The following AUTS2 variants were observed in gnomAD, a reference collection of about 807,000 sequenced individuals.
AUTS2 encodes the protein activator of transcription and developmental regulator AUTS2, also known as autism susceptibility gene 2 protein.
In AUTS2, 17 loss-of-function variants were observed where a neutral mutation model predicts 112.4. The ratio of observed to expected loss-of-function variants is 0.15; its 90% CI spans 0.10 to 0.23. The LOEUF is 0.23. Ranked by LOEUF, AUTS2 falls within the 10% of genes least tolerant of loss-of-function variation. AUTS2 has a pLI of 1.00. For synonymous variants in AUTS2, 751 were observed against 702.7 expected, an observed-to-expected ratio of 1.07 and a Z score of -1.09; for missense variants, 1,510 against 1,701.6, an observed-to-expected ratio of 0.89 and a Z score of 1.98.
intron 4 of AUTS2, among the ~76,000 whole-genome samples, chr7:70,326,956 C>T (rs1372158913): frequency 8.1e-6 from 1 of 123,650 alleles, no homozygotes; most frequent in African/African-American, 3.1e-5. Flanking sequence ...TTCGCTCTGT[C>T]GCCCAGGCTG....
intron 1 of AUTS2, among the ~76,000 whole-genome samples, chr7:69,607,678 G>A (rs2129075177): frequency 6.6e-6 from 1 of 152,250 alleles, no homozygotes; most frequent in South Asian, 2.1e-4. Flanking sequence ...TGTCATTTTA[G>A]CTTGCACTAT....
intron 1 of AUTS2, among the ~76,000 whole-genome samples, chr7:69,633,018 A>T (rs1238928533): frequency 1.3e-5 from 2 of 152,182 alleles, no homozygotes; most frequent in African/African-American, 4.8e-5. Flanking sequence ...TCCCAAATAC[A>T]GTACAATTTT....
intron 4 of AUTS2, among the ~76,000 whole-genome samples, chr7:70,269,218 G>A (rs1787571540): frequency 1.3e-5 from 2 of 152,128 alleles, no homozygotes; most frequent in Admixed American, 6.5e-5. Flanking sequence ...CAGCAGGTAG[G>A]AGCTTCTTGG....
At chr7:70,543,011 A>T (rs1800614843) in intron 5 of AUTS2, among the ~76,000 whole-genome samples, 1 of 152,148 alleles carries the variant, frequency 6.6e-6, no homozygotes. Flanking sequence ...CCTTTAGATC[A>T]TTTTTCTGAC....
At chr7:70,590,096 C>T (rs1310756208) in intron 5 of AUTS2, among the ~76,000 whole-genome samples, 2 of 151,466 alleles carry the variant, frequency 1.3e-5, no homozygotes, top group African/African-American at 4.9e-5. Context: ...CCTCAGAGAA[C>T]AGTGGCCAGG....
At position 70,297,733 on chromosome 7, in the gene AUTS2, C is replaced by T. The variant is rs548758646; in HGVS notation, c.661-138019C>T. 1.8e-4 allele frequency among the ~76,000 whole-genome samples: 28 copies of T among 152,210 alleles called. No individual in the cohort carries two copies. The South Asian group carries it at 4.4e-3, about 24-fold the overall frequency. ...ACAGGCGTGAGCCACCACACCTGAACGATGAATTTTTCTACCAGGACAAAC... is the reference window on the plus strand; with the variant it reads ...ACAGGCGTGAGCCACCACACCTGAATGATGAATTTTTCTACCAGGACAAAC... On this transcript the variant is annotated intron_variant, in intron 4 of 18. Transcript: ENST00000342771.
At position 69,723,779 on chromosome 7, in the gene AUTS2, A is replaced by G. The variant is rs147147083; in HGVS notation, c.309+123817A>G. On this transcript the variant is annotated intron_variant, in intron 1 of 18. Transcript: ENST00000342771. ...CTAGAAATGATTCATTGGGTGGACT[A>G]TTGAGCTTCACACCCCAGTCCACTG... Among the ~76,000 whole-genome samples, 7 of 152,334 alleles carry G rather than the reference A, an allele frequency of 4.6e-5. No individual in the cohort carries two copies. The East Asian group carries it at 1.2e-3, about 25-fold the overall frequency.
intron 1 of AUTS2, among the ~76,000 whole-genome samples, chr7:69,696,487 C>T (rs1041957383): frequency 6.6e-6 from 1 of 152,098 alleles, no homozygotes; most frequent in African/African-American, 2.4e-5. Flanking sequence ...TTGAAGTCTC[C>T]ATGTGACAAA....
intron 1 of AUTS2, among the ~76,000 whole-genome samples, chr7:69,889,270 A>G (rs1440286883): frequency 2.0e-5 from 3 of 152,202 alleles, no homozygotes; most frequent in Non-Finnish European, 4.4e-5. Context: ...TTCTGGCATG[A>G]TGAAGTCATA....
intron 4 of AUTS2, among the ~76,000 whole-genome samples, chr7:70,222,828 T>C (rs1345226119): frequency 6.6e-6 from 1 of 151,814 alleles, no homozygotes; most frequent in South Asian, 2.1e-4. Context: ...AACCAACTCA[T>C]AAAATATTTG....
chr7:70,317,598 C>T (rs1348492100), intron 4 of AUTS2, among the ~76,000 whole-genome samples: 1 of 152,172 alleles, frequency 6.6e-6, no homozygotes, highest in Non-Finnish European at 1.5e-5. Context: ...GACTCAAACT[C>T]AGGCAGGGGT....
chr7:70,354,956 C>CTGTGTG (rs369428637), intron 4 of AUTS2, among the ~76,000 whole-genome samples: 1 of 147,080 alleles, frequency 6.8e-6, no homozygotes, highest in East Asian at 2.0e-4. Context: ...GAAAGGGCTG[C>CTGTGTG]TGTGTGTGTG....
intron 3 of AUTS2, among the ~76,000 whole-genome samples, chr7:70,129,671 G>T (rs988759942): frequency 1.3e-5 from 2 of 152,142 alleles, no homozygotes; most frequent in African/African-American, 4.8e-5. Context: ...TTGATATGAG[G>T]AACTGTCCAT....
chr7:69,979,986 T>C (rs954682458), intron 2 of AUTS2, among the ~76,000 whole-genome samples: 5 of 152,244 alleles, frequency 3.3e-5, no homozygotes, highest in African/African-American at 4.8e-5. Flanking sequence ...TTAGGCTTTA[T>C]AAACTGGAAG....
chr7:69,765,132 T>C lies in AUTS2; in HGVS notation c.310-134154T>C, dbSNP rs572594531. 3.3e-5 allele frequency among the ~76,000 whole-genome samples: 5 copies of C among 152,348 alleles called. No individual in the cohort carries two copies. In the East Asian group the frequency reaches 5.8e-4, roughly 18 times the overall value. On this transcript the variant is annotated intron_variant, in intron 1 of 18. Transcript: ENST00000342771. ...CTGTTTAGGCCAGTGTTGGTAGTTA[T>C]ATTGTCTTCTCTCCACTGGGCGGAT...
intron 1 of AUTS2, among the ~76,000 whole-genome samples, chr7:69,606,832 A>G (rs1014290438): frequency 6.6e-6 from 1 of 152,230 alleles, no homozygotes; most frequent in Non-Finnish European, 1.5e-5. Context: ...ATATAATCAG[A>G]ACCTGTTCCA....
At chr7:69,854,593 C>A (rs1024731860) in intron 1 of AUTS2, among the ~76,000 whole-genome samples, 2 of 152,004 alleles carry the variant, frequency 1.3e-5, no homozygotes, top group African/African-American at 4.8e-5. Flanking sequence ...ATGTTCCTAG[C>A]AAAATTTAAG....
intron 16 of AUTS2, 49 bp from the exon 17 acceptor site, chr7:70,785,906 C>T: frequency 2.5e-6 from 4 of 1,585,498 alleles, no homozygotes; most frequent in Non-Finnish European, 3.5e-6. Flanking sequence ...CTGGGTTCCT[C>T]TCCCAGCAGA....
intron 1 of AUTS2, among the ~76,000 whole-genome samples, chr7:69,863,432 A>G (rs1003643693): frequency 3.9e-5 from 6 of 152,156 alleles, no homozygotes; most frequent in African/African-American, 1.2e-4. Flanking sequence ...GCTGGAACCA[A>G]TCCCCCACAG....
Sources: allele counts gnomAD v4.1 joint callset (sites outside exome capture counted in the v4.1 genomes callset), GRCh38; gene constraint gnomAD v4.1.1; transcripts MANE v1.5; gene names NCBI Gene and HGNC (gene_info 2026-07-23, HGNC 2026-07-21).